TAFA2: variants seen among roughly 807,000 people sequenced by gnomAD.
TAFA2 encodes TAFA chemokine like family member 2.
Under a neutral mutation model 18.8 loss-of-function variants are expected in TAFA2, and 7 were observed. The observed-to-expected ratio is 0.37, with a 90% CI of 0.21 to 0.70. The LOEUF (loss-of-function observed/expected upper bound fraction) is 0.70, where lower values mean the gene tolerates loss of function less well. Ranked by LOEUF, TAFA2 falls within the 30% of genes least tolerant of loss-of-function variation. The probability of loss-of-function intolerance (pLI) is 0.53; values close to 1 mark genes in which losing one functional copy is unlikely to be tolerated. For missense variants in TAFA2, 122 were observed against 158.1 expected (o/e 0.77, Z 1.23); for synonymous variants, 60 against 54.2 (o/e 1.11, Z -0.47).
chr12:61,997,574 G>A (rs766880577), intron 1 of TAFA2, among the ~76,000 whole-genome samples: 2 of 152,130 alleles, frequency 1.3e-5, no homozygotes, highest in Non-Finnish European at 2.9e-5. Context: ...GGGAGGTGGT[G>A]ACAAAATTGG....
intron 2 of TAFA2, among the ~76,000 whole-genome samples, chr12:61,833,461 C>T (rs1872794979): frequency 1.3e-5 from 2 of 152,058 alleles, no homozygotes; most frequent in Admixed American, 6.6e-5. Context: ...ACTCTCAGTT[C>T]TTGCTCTCTC....
At position 61,867,333 on chromosome 12, in the gene TAFA2, T is replaced by C. The variant is rs1252823182; in HGVS notation, c.93A>G (p.Ala31=). ...VTLWGKVVSS[A]NHHKAHHVKT... ...AGAAAAGCTTACCTTTATGATGGTTTGCACTGGATACAACTTTCCCCCACA... is the reference window on the plus strand; with the variant it reads ...AGAAAAGCTTACCTTTATGATGGTTCGCACTGGATACAACTTTCCCCCACA... The change falls in exon 2 of 5, where the codon GCA becomes GCG. Residue 31 remains alanine (A), a synonymous_variant. Transcript: ENST00000416284. 1 of 1,594,888 alleles carries C rather than the reference T, an allele frequency of 6.3e-7. No individual in the cohort carries two copies. Among genetic ancestry groups the C allele is most frequent in the African/African-American group, 1.4e-5 (1 of 73,808 alleles).
intron 4 of TAFA2, among the ~76,000 whole-genome samples, chr12:61,749,094 C>G (rs1237718123): frequency 4.1e-5 from 6 of 146,668 alleles, no homozygotes; most frequent in Non-Finnish European, 8.9e-5. Flanking sequence ...AGCAAAACCC[C>G]GTTGTTACTA....
intron 1 of TAFA2, among the ~76,000 whole-genome samples, chr12:62,067,556 C>G (rs892256860): frequency 2.6e-5 from 4 of 151,950 alleles, no homozygotes; most frequent in Admixed American, 6.6e-5. Context: ...CTCAGCACCA[C>G]TTATTGAAGA....
chr12:62,015,078 A>C (rs1880888298), intron 1 of TAFA2, among the ~76,000 whole-genome samples: 1 of 152,254 alleles, frequency 6.6e-6, no homozygotes, highest in South Asian at 2.1e-4. Context: ...GAAAACAGCT[A>C]TTCACAAATA....
intron 2 of TAFA2, among the ~76,000 whole-genome samples, chr12:61,805,607 T>G (rs1004542191): frequency 6.6e-6 from 1 of 152,132 alleles, no homozygotes; most frequent in African/African-American, 2.4e-5. Context: ...TGTTAAGTAA[T>G]TCCTTTGTGC....
intron 2 of TAFA2, among the ~76,000 whole-genome samples, chr12:61,756,698 T>C (rs76015326): frequency 0.018 from 2,750 of 151,844 alleles, 79 homozygotes; most frequent in African/African-American, 0.064. Context: ...GAAAATACAG[T>C]AGAGTAGAGT....
At chr12:62,255,832 C>A (rs1360636792) in intron 1 of TAFA2, among the ~76,000 whole-genome samples, 1 of 152,042 alleles carries the variant, frequency 6.6e-6, no homozygotes, top group Non-Finnish European at 1.5e-5. Context: ...CCAGTCTGGG[C>A]AACTGGAGAG....
chr12:62,079,888 G>A (rs1161438845), intron 1 of TAFA2, among the ~76,000 whole-genome samples: 1 of 152,048 alleles, frequency 6.6e-6, no homozygotes, highest in Non-Finnish European at 1.5e-5. Flanking sequence ...CGCAAATTAC[G>A]ACAAACTTGA....
intron 2 of TAFA2, among the ~76,000 whole-genome samples, chr12:61,775,738 T>C (rs1490659954): frequency 6.6e-6 from 1 of 151,886 alleles, no homozygotes; most frequent in Non-Finnish European, 1.5e-5. Context: ...CCTAAATCCA[T>C]AGAATGTACA....
intron 1 of TAFA2, among the ~76,000 whole-genome samples, chr12:62,035,733 CTTTTTTTTTTTTTTTTT>C (rs34859628): frequency 1.7e-5 from 1 of 60,228 alleles, no homozygotes. Context: ...ATGATTCTTT[CTTTTTTTTTTTTTTTTT>C]TTTTTTTTTG....
chr12:62,158,454 G>C (rs1015745978), intron 1 of TAFA2, among the ~76,000 whole-genome samples: 1 of 152,138 alleles, frequency 6.6e-6, no homozygotes, highest in Non-Finnish European at 1.5e-5. Context: ...TCTTCTCCTG[G>C]TGAGTTCTTC....
intron 2 of TAFA2, among the ~76,000 whole-genome samples, chr12:61,863,553 C>G (rs922543192): frequency 6.6e-6 from 1 of 152,166 alleles, no homozygotes; most frequent in African/African-American, 2.4e-5. Context: ...TAGTGGGACT[C>G]TTACTATTCC....
chr12:61,911,261 G>A lies in TAFA2; in HGVS notation c.-1-43835C>T, dbSNP rs556373124. On this transcript the variant is annotated intron_variant, in intron 1 of 4. Coordinates refer to ENST00000416284, the MANE Select transcript of TAFA2 (RefSeq NM_178539.5). The stretch of plus-strand genomic sequence containing the variant: ...GATCCCTTCCCTGATTCTTTACTCT[G>A]TACTCCTACCTTCCCTTCACCCCTC... Among the ~76,000 whole-genome samples, 17 of 152,208 alleles carry A rather than the reference G, an allele frequency of 1.1e-4. No individual in the cohort carries two copies. In the South Asian group the frequency reaches 3.5e-3, roughly 32 times the overall value.
At chr12:61,926,444 T>A (rs183228142) in intron 1 of TAFA2, among the ~76,000 whole-genome samples, 28 of 152,266 alleles carry the variant, frequency 1.8e-4, no homozygotes, top group Admixed American at 5.9e-4. Context: ...TGAAAAATCC[T>A]CAATAAAATA....
chr12:61,842,699 G>A (rs1159396542), intron 2 of TAFA2, among the ~76,000 whole-genome samples: 2 of 151,798 alleles, frequency 1.3e-5, no homozygotes, highest in Non-Finnish European at 2.9e-5. Context: ...ATATTTGATG[G>A]CATTTTAATT....
At chr12:62,117,497 G>T (rs1167065982) in intron 1 of TAFA2, among the ~76,000 whole-genome samples, 2 of 152,066 alleles carry the variant, frequency 1.3e-5, no homozygotes, top group Non-Finnish European at 2.9e-5. Flanking sequence ...TTCAGCCTGG[G>T]ACCCCACATA....
chr12:61,879,697 C>T, intron 1 of TAFA2: 1 of 1,118,530 alleles, frequency 8.9e-7, no homozygotes, highest in South Asian at 1.2e-5. Flanking sequence ...AGTGGAGCCT[C>T]CTGCAGCAGC....
At chr12:61,882,108 T>G (rs1252299882) in intron 1 of TAFA2, among the ~76,000 whole-genome samples, 1 of 152,224 alleles carries the variant, frequency 6.6e-6, no homozygotes, top group African/African-American at 2.4e-5. Context: ...TTTAATGTAC[T>G]AATCCAACTT....
Sources: allele counts gnomAD v4.1 joint callset (sites outside exome capture counted in the v4.1 genomes callset), GRCh38; gene constraint gnomAD v4.1.1; transcripts MANE v1.5; gene names NCBI Gene and HGNC (gene_info 2026-07-23, HGNC 2026-07-21).